The following DLGAP2 variants were observed in gnomAD, a reference collection of about 807,000 sequenced individuals.
DLGAP2 encodes DLG associated protein 2.
A neutral mutation model predicts 100.3 loss-of-function variants in DLGAP2; 26 were observed. That is an observed-to-expected ratio of 0.26 (90% CI 0.19 to 0.36). The LOEUF is 0.36. DLGAP2 is among the 10% of genes least tolerant of loss of function. The probability of loss-of-function intolerance (pLI) is 1.00; values close to 1 mark genes in which losing one functional copy is unlikely to be tolerated. For synonymous variants in DLGAP2, 886 were observed against 630.1 expected, an observed-to-expected ratio of 1.41 and a Z score of -6.08; for missense variants, 1,858 against 1,453.2, an observed-to-expected ratio of 1.28 and a Z score of -4.53.
intron 2 of DLGAP2, among the ~76,000 whole-genome samples, chr8:917,337 C>G (rs528580809): frequency 2.6e-5 from 4 of 151,812 alleles, no homozygotes; most frequent in Admixed American, 6.6e-5. Context: ...TTCTCAGGCA[C>G]AAACAATCTT....
chr8:1,091,842 C>T (rs899416400), intron 2 of DLGAP2, among the ~76,000 whole-genome samples: 1 of 151,994 alleles, frequency 6.6e-6, no homozygotes, highest in Non-Finnish European at 1.5e-5. Context: ...CATCCCCACA[C>T]CTGCCTTCCC....
intron 7 of DLGAP2, among the ~76,000 whole-genome samples, chr8:1,629,832 T>C (rs1354905805): frequency 6.6e-6 from 1 of 152,244 alleles, no homozygotes; most frequent in Admixed American, 6.5e-5. Flanking sequence ...AATGCTCTTA[T>C]GAAACATTCA....
intron 1 of DLGAP2, among the ~76,000 whole-genome samples, chr8:889,256 T>C (rs1043949959): frequency 2.0e-5 from 3 of 152,216 alleles, no homozygotes; most frequent in South Asian, 2.1e-4. Flanking sequence ...ACAGGGGATA[T>C]GATGGCTTAG....
intron 5 of DLGAP2, among the ~76,000 whole-genome samples, chr8:1,561,048 T>C (rs1185056007): frequency 1.3e-5 from 2 of 152,142 alleles, no homozygotes; most frequent in Non-Finnish European, 2.9e-5. Context: ...GACTGAATCA[T>C]GGGGTGGGTC....
chr8:1,451,671 C>T (rs1798163505), intron 3 of DLGAP2, among the ~76,000 whole-genome samples: 2 of 152,116 alleles, frequency 1.3e-5, no homozygotes, highest in African/African-American at 4.8e-5. Flanking sequence ...AACTGAGGTC[C>T]CCAGCAGCCC....
chr8:1,256,541 G>A (rs1243826380), intron 2 of DLGAP2, among the ~76,000 whole-genome samples: 1 of 146,668 alleles, frequency 6.8e-6, no homozygotes, highest in Non-Finnish European at 1.5e-5. Flanking sequence ...TCCTGCCCAG[G>A]CGCTGTGTGT....
chr8:1,633,748 G>A (rs568712258), intron 8 of DLGAP2, among the ~76,000 whole-genome samples: 2 of 152,300 alleles, frequency 1.3e-5, no homozygotes, highest in African/African-American at 4.8e-5. Context: ...GTTAAGGAAA[G>A]GAGCTATAAA....
At chr8:1,558,822 C>T (rs1178006159) in intron 5 of DLGAP2, among the ~76,000 whole-genome samples, 2 of 151,446 alleles carry the variant, frequency 1.3e-5, no homozygotes, top group African/African-American at 2.4e-5. Flanking sequence ...CACATACGCA[C>T]ATGGGCATGC....
At chr8:1,294,530 G>T (rs957083279) in intron 3 of DLGAP2, among the ~76,000 whole-genome samples, 1 of 152,306 alleles carries the variant, frequency 6.6e-6, no homozygotes, top group South Asian at 2.1e-4. Flanking sequence ...GCGATTTTGT[G>T]AGCTCTTTAC....
chr8:1,467,634 G>T (rs966001202), intron 3 of DLGAP2, among the ~76,000 whole-genome samples: 6 of 152,180 alleles, frequency 3.9e-5, no homozygotes, highest in African/African-American at 1.2e-4. Flanking sequence ...AGACTGCCCT[G>T]CCCACCTTCC....
At chr8:1,101,176 C>G (rs1804566438) in intron 2 of DLGAP2, among the ~76,000 whole-genome samples, 2 of 152,208 alleles carry the variant, frequency 1.3e-5, no homozygotes, top group African/African-American at 4.8e-5. Context: ...GACATAAAAT[C>G]TGTCTCTGAG....
intron 2 of DLGAP2, among the ~76,000 whole-genome samples, chr8:1,211,649 G>A (rs1463944441): frequency 6.6e-6 from 1 of 151,990 alleles, no homozygotes; most frequent in Non-Finnish European, 1.5e-5. Flanking sequence ...GCCAAGGTGG[G>A]TGGATCACCT....
chr8:1,076,163 T>C (rs1337512474), intron 2 of DLGAP2, among the ~76,000 whole-genome samples: 1 of 152,184 alleles, frequency 6.6e-6, no homozygotes, highest in African/African-American at 2.4e-5. Context: ...AGCACAAGCT[T>C]GCCTGTCCCA....
At chr8:1,593,226 G>A (rs1374346184) in intron 6 of DLGAP2, among the ~76,000 whole-genome samples, 3 of 152,050 alleles carry the variant, frequency 2.0e-5, no homozygotes, top group Non-Finnish European at 2.9e-5. Context: ...AGACCAAGGC[G>A]GGTGGATCAT....
At chr8:1,616,399 G>A (rs1797155417) in intron 6 of DLGAP2, among the ~76,000 whole-genome samples, 1 of 152,096 alleles carries the variant, frequency 6.6e-6, no homozygotes, top group Non-Finnish European at 1.5e-5. Context: ...AAAATGCTCA[G>A]TGAACTCTAA....
chr8:1,540,788 C>T (rs142822084), intron 4 of DLGAP2, among the ~76,000 whole-genome samples: 1 of 152,356 alleles, frequency 6.6e-6, no homozygotes, highest in African/African-American at 2.4e-5. Context: ...AATATGGCAA[C>T]CATACAACCA....
intron 2 of DLGAP2, among the ~76,000 whole-genome samples, chr8:1,003,853 A>G (rs1028166161): frequency 2.0e-5 from 3 of 152,210 alleles, no homozygotes; most frequent in South Asian, 2.1e-4. Context: ...ATGACATTCT[A>G]TCAAGAGATG....
chr8:903,826 A>T lies in DLGAP2; in HGVS notation c.19-4086A>T, dbSNP rs982224760. ...CAAGTCGGCACATTTCTGTTAAGTCACCTGACTTACGGTGCTCGTTATGCA... is the reference window on the plus strand; with the variant it reads ...CAAGTCGGCACATTTCTGTTAAGTCTCCTGACTTACGGTGCTCGTTATGCA... On this transcript the variant is annotated intron_variant, in intron 1 of 14. Coordinates refer to ENST00000637795, the MANE Select transcript of DLGAP2 (RefSeq NM_001346810.2). 1.2e-4 allele frequency among the ~76,000 whole-genome samples: 18 copies of T among 152,196 alleles called. 1 individual carries two copies. The highest frequency in any genetic ancestry group is 4.3e-4 in the African/African-American group (18 of 41,450).
At chr8:821,668 G>T (rs921700942) in intron 1 of DLGAP2, among the ~76,000 whole-genome samples, 1 of 152,246 alleles carries the variant, frequency 6.6e-6, no homozygotes, top group Non-Finnish European at 1.5e-5. Context: ...AATCTGTTTG[G>T]TTCTTTGCAG....
Sources: gnomAD v4.1 joint callset for allele counts (sites outside exome capture counted in the v4.1 genomes callset) on GRCh38, gnomAD v4.1.1 for gene constraint, MANE v1.5 for transcripts, NCBI Gene and HGNC (gene_info 2026-07-23, HGNC 2026-07-21) for gene names.